Variants in STOX1 observed in about 807,000 individuals in gnomAD.
STOX1 encodes storkhead box 1.
A neutral mutation model predicts 74.8 loss-of-function variants in STOX1; 57 were observed. That is an observed-to-expected ratio of 0.76 (90% CI 0.62 to 0.95). The LOEUF is 0.95. Among genes scored for constraint, STOX1 ranks in the 40% least tolerant of loss-of-function variants. STOX1 has a pLI of 0.00. For missense variants in STOX1, 1,010 were observed against 1,117.0 expected (o/e 0.90, Z 1.37); for synonymous variants, 375 against 401.3 (o/e 0.93, Z 0.78).
downstream of STOX1, among the ~76,000 whole-genome samples, chr10:68,893,389 C>T (rs572087181): frequency 4.0e-4 from 61 of 152,306 alleles, no homozygotes; most frequent in African/African-American, 1.4e-3. Context: ...AGGCATCTGG[C>T]TGTACTACTG....
In STOX1 at chr10:68,886,079, A is replaced by T; in HGVS notation, c.2283A>T (p.Thr761=). The T allele has an allele frequency of 6.2e-7, 1 of 1,614,212 alleles. No homozygotes were observed. The highest frequency in any genetic ancestry group is 1.3e-5 in the African/African-American group (1 of 75,050). The change falls in exon 3 of 4, where the codon ACA becomes ACT. Residue 761 remains threonine (T), a synonymous_variant. Transcript: ENST00000298596. ...CTGGCCACAGTCAGTATTCCTTCAC[A>T]GGTGGAAGCCAGGGAAATCATTTAG... ...MLPGHSQYSF[T]GGSQGNHLGK...
At chr10:68,840,514 C>A (rs559762589) in intron 1 of STOX1, among the ~76,000 whole-genome samples, 1 of 151,830 alleles carries the variant, frequency 6.6e-6, no homozygotes, top group Non-Finnish European at 1.5e-5. Context: ...CCACTGCTCC[C>A]GGCCCAAGCA....
At chr10:68,861,785 T>A (rs1286312556) in intron 1 of STOX1, among the ~76,000 whole-genome samples, 3 of 152,158 alleles carry the variant, frequency 2.0e-5, no homozygotes, top group African/African-American at 7.2e-5. Context: ...GTTCCTGGCA[T>A]TAAGGTCAGG....
At chr10:68,855,557 G>C (rs1187157677) in intron 1 of STOX1, among the ~76,000 whole-genome samples, 7 of 151,910 alleles carry the variant, frequency 4.6e-5, no homozygotes, top group Admixed American at 3.9e-4. Flanking sequence ...TCCCGCCTCA[G>C]CCTCACATAG....
At chr10:68,831,933 T>TC (rs1554826542) in intron 1 of STOX1, among the ~76,000 whole-genome samples, 15 of 151,104 alleles carry the variant, frequency 9.9e-5, no homozygotes, top group South Asian at 4.2e-4. Flanking sequence ...TCTTTTCTTT[T>TC]TTTTTTTTTT....
chr10:68,887,003 G>T (rs1184016400), intron 3 of STOX1, among the ~76,000 whole-genome samples: 1 of 151,998 alleles, frequency 6.6e-6, no homozygotes, highest in Non-Finnish European at 1.5e-5. Flanking sequence ...TTGTTAACTA[G>T]TCAGAGACTA....
At chr10:68,870,905 C>T (rs1168747968) in intron 1 of STOX1, among the ~76,000 whole-genome samples, 2 of 152,188 alleles carry the variant, frequency 1.3e-5, no homozygotes, top group Non-Finnish European at 1.5e-5. Context: ...CCTAGGCTGG[C>T]CAGCACTTTG....
chr10:68,892,228 A>G (rs1189327110), intron 3 of STOX1, among the ~76,000 whole-genome samples: 1 of 152,112 alleles, frequency 6.6e-6, no homozygotes, highest in Non-Finnish European at 1.5e-5. Context: ...TTTCTCTTCC[A>G]TATGATTTCT....
At chr10:68,864,471 A>G (rs1840352706) in intron 1 of STOX1, among the ~76,000 whole-genome samples, 1 of 152,236 alleles carries the variant, frequency 6.6e-6, no homozygotes, top group African/African-American at 2.4e-5. Flanking sequence ...GACTATTTAT[A>G]AAAGCTTGCT....
chr10:68,859,004 C>G (rs1208376825), intron 1 of STOX1, among the ~76,000 whole-genome samples: 1 of 152,102 alleles, frequency 6.6e-6, no homozygotes, highest in African/African-American at 2.4e-5. Context: ...GCTTCGTCAC[C>G]TCCACACCAA....
chr10:68,853,373 C>T (rs1374839133), intron 1 of STOX1, among the ~76,000 whole-genome samples: 3 of 152,160 alleles, frequency 2.0e-5, no homozygotes, highest in Non-Finnish European at 4.4e-5. Flanking sequence ...CCCTCCAAGG[C>T]TTCTGGTTTT....
At chr10:68,863,956 G>A (rs894732255) in intron 1 of STOX1, among the ~76,000 whole-genome samples, 3 of 139,282 alleles carry the variant, frequency 2.2e-5, no homozygotes, top group East Asian at 2.1e-4. Flanking sequence ...ACAAAGTCTC[G>A]CTCTCTCACC....
At chr10:68,874,245 C>T (rs568507584) in intron 1 of STOX1, among the ~76,000 whole-genome samples, 1 of 152,124 alleles carries the variant, frequency 6.6e-6, no homozygotes, top group East Asian at 1.9e-4. Flanking sequence ...GACCCCTACT[C>T]TGAAGACCCT....
At chr10:68,871,213 GTATCTC>G (rs1342782467) in intron 1 of STOX1, among the ~76,000 whole-genome samples, 7 of 152,188 alleles carry the variant, frequency 4.6e-5, no homozygotes, top group Non-Finnish European at 1.0e-4. Flanking sequence ...GAGGCTCCTT[GTATCTC>G]TATCCGCAGT....
At chr10:68,865,464 A>G (rs1840381616) in intron 1 of STOX1, among the ~76,000 whole-genome samples, 1 of 152,220 alleles carries the variant, frequency 6.6e-6, no homozygotes, top group African/African-American at 2.4e-5. Flanking sequence ...CCTGGCTAAC[A>G]TGGTGAAACC....
chr10:68,881,344 G>GC (rs1840809366), intron 1 of STOX1, among the ~76,000 whole-genome samples: 1 of 152,168 alleles, frequency 6.6e-6, no homozygotes, highest in Admixed American at 6.5e-5. Flanking sequence ...CTCTATCCAT[G>GC]CCCTTAAATG....
In STOX1 at chr10:68,884,774, C is replaced by T. The variant is rs1840896926; in HGVS notation, c.978C>T (p.Pro326=). 1.9e-6 allele frequency: 3 copies of T among 1,614,086 alleles called. No individual in the cohort carries two copies. Among genetic ancestry groups the T allele is most frequent in the Non-Finnish European group, 2.5e-6 (3 of 1,180,028 alleles). The change falls in exon 3 of 4, where the codon CCC becomes CCT. Residue 326 remains proline, a synonymous_variant. Coordinates refer to ENST00000298596, the MANE Select transcript of STOX1 (RefSeq NM_152709.5). ...GCAGCTTATCTAGAAAGGAGAAGCC[C>T]AAAACAGAACACAGCAGTTTCTCTG... ...LWRSLSRKEK[P]KTEHSSFSAQ...
At chr10:68,842,583 C>T (rs181573222) in intron 1 of STOX1, among the ~76,000 whole-genome samples, 224 of 137,194 alleles carry the variant, frequency 1.6e-3, no homozygotes, top group African/African-American at 5.8e-3. Flanking sequence ...CTCTGTCACC[C>T]AGGCTGGAGT....
At chr10:68,863,123 A>T (rs553395238) in intron 1 of STOX1, among the ~76,000 whole-genome samples, 102 of 152,196 alleles carry the variant, frequency 6.7e-4, no homozygotes, top group Middle Eastern at 3.4e-3. Flanking sequence ...TGTGGGTGAG[A>T]TGGGCCTTTA....
Sources: gnomAD v4.1 joint callset for allele counts (sites outside exome capture counted in the v4.1 genomes callset) on GRCh38, gnomAD v4.1.1 for gene constraint, MANE v1.5 for transcripts, NCBI Gene and HGNC (gene_info 2026-07-23, HGNC 2026-07-21) for gene names.